Variants in PPP2R2D observed in about 807,000 individuals in gnomAD.
PPP2R2D encodes the protein protein phosphatase 2 regulatory subunit Bdelta.
Under a neutral mutation model 31.1 loss-of-function variants are expected in PPP2R2D, and 9 were observed. The ratio of observed to expected loss-of-function variants is 0.29; its 90% CI spans 0.17 to 0.51. The LOEUF is 0.51. Ranked by LOEUF, PPP2R2D falls within the 20% of genes least tolerant of loss-of-function variation. The pLI is 0.98. For synonymous variants in PPP2R2D, 179 were observed against 172.6 expected, an observed-to-expected ratio of 1.04 and a Z score of -0.29; for missense variants, 391 against 465.6, an observed-to-expected ratio of 0.84 and a Z score of 1.48.
At chr10:131,943,088 A>G (rs537338272) in intron 5 of PPP2R2D, among the ~76,000 whole-genome samples, 5 of 152,302 alleles carry the variant, frequency 3.3e-5, no homozygotes, top group Non-Finnish European at 7.3e-5. Context: ...TTTGATTTTA[A>G]AGCTTATGTT....
chr10:131,956,411 G>A lies in PPP2R2D; in HGVS notation c.*448G>A, dbSNP rs1375795233. 2.0e-6 allele frequency: 2 copies of A among 985,822 alleles called. No individual in the cohort carries two copies. The highest frequency in any genetic ancestry group is 6.1e-5 in the Admixed American group (1 of 16,282). The allele number at this position is 985,822 out of a possible 1,614,324, so 61.1% of individuals were successfully genotyped here. A position where few individuals can be genotyped will look rare whatever the true frequency, so the allele number is the denominator to read the frequency against. ...CCGTGTCCTCTCGGCCTTCCTCCGA[G>A]TCCAGGTGGACTCTGTGGATGTGTG... On this transcript the variant is annotated 3_prime_UTR_variant, in exon 9 of 9. Coordinates refer to ENST00000455566, the MANE Select transcript of PPP2R2D (RefSeq NM_018461.5).
the PPP2R2D span, chr10:131,970,709 T>A: frequency 1.7e-5 from 27 of 1,614,054 alleles, no homozygotes; most frequent in Non-Finnish European, 2.0e-5. This position sits in a 1 kb window ranked among gnomAD's most constrained non-coding sequence, Gnocchi z 4.1. Flanking sequence ...CTGCAGAGAA[T>A]ATGCCCCCTT....
intron 5 of PPP2R2D, among the ~76,000 whole-genome samples, chr10:131,942,907 G>A (rs528897617): frequency 1.4e-4 from 21 of 152,108 alleles, no homozygotes; most frequent in African/African-American, 4.8e-4. Flanking sequence ...GCACTACCTG[G>A]GTTAAAATGA....
chr10:131,952,027 G>A (rs377734202), intron 8 of PPP2R2D, among the ~76,000 whole-genome samples: 1 of 151,526 alleles, frequency 6.6e-6, no homozygotes, highest in East Asian at 1.9e-4. Flanking sequence ...ACTTGCGGGT[G>A]TGCAGGGGGT....
chr10:131,907,450 T>C (rs2035611033), intron 2 of PPP2R2D, among the ~76,000 whole-genome samples: 1 of 152,234 alleles, frequency 6.6e-6, no homozygotes, highest in East Asian at 1.9e-4. Context: ...GCCTTAAGAT[T>C]CACAGACTCG....
intron 2 of PPP2R2D, among the ~76,000 whole-genome samples, chr10:131,909,023 C>G (rs1244918656): frequency 3.9e-5 from 6 of 152,176 alleles, no homozygotes; most frequent in Non-Finnish European, 8.8e-5. Context: ...CCAGAGCACA[C>G]TGAGGCAATG....
Position 131,956,384 on chromosome 10 carries a change from G to A in PPP2R2D, c.*421G>A, listed in dbSNP as rs782396647. 2.1e-5 allele frequency: 21 copies of A among 986,282 alleles called. No homozygotes were observed. The highest frequency in any genetic ancestry group is 6.1e-5 in the Admixed American group (1 of 16,282). The allele number at this position is 986,282 out of a possible 1,614,324, so 61.1% of individuals were successfully genotyped here. On this transcript the variant is annotated 3_prime_UTR_variant, in exon 9 of 9. Coordinates refer to ENST00000455566, the MANE Select transcript of PPP2R2D (RefSeq NM_018461.5). ...TTCACTGCAGCGTGGTGTGGCCACC[G>A]TCCGTGTCCTCTCGGCCTTCCTCCG...
downstream of PPP2R2D, among the ~76,000 whole-genome samples, chr10:131,960,087 G>A (rs1469894909): frequency 6.6e-6 from 1 of 152,236 alleles, no homozygotes; most frequent in Non-Finnish European, 1.5e-5. Flanking sequence ...CAGCAGTCCT[G>A]TCCGTTTCTG....
At chr10:131,910,889 T>C (rs1367923638) in intron 2 of PPP2R2D, among the ~76,000 whole-genome samples, 1 of 152,152 alleles carries the variant, frequency 6.6e-6, no homozygotes, top group Admixed American at 6.5e-5. Flanking sequence ...GTCTTGCCTA[T>C]GTATGGACTG....
intron 2 of PPP2R2D, among the ~76,000 whole-genome samples, chr10:131,928,961 G>C (rs1278368672): frequency 6.6e-6 from 1 of 152,156 alleles, no homozygotes; most frequent in African/African-American, 2.4e-5. Flanking sequence ...AATGATGTAC[G>C]TATAAAAGAA....
chr10:131,963,645 G>A (rs782768972), downstream of PPP2R2D, among the ~76,000 whole-genome samples: 2 of 152,252 alleles, frequency 1.3e-5, no homozygotes, highest in African/African-American at 4.8e-5. Context: ...CCACAGGGCT[G>A]TGCGCTGAGG....
rs2036791504 is a variant in PPP2R2D, at chr10:131,956,110, T to A, written c.*147T>A. 1 of 1,265,840 alleles carries A rather than the reference T, an allele frequency of 7.9e-7. No individual in the cohort carries two copies. The highest frequency in any genetic ancestry group is 3.1e-5 in the East Asian group (1 of 32,480). The allele number at this position is 1,265,840 out of a possible 1,614,324, so 78.4% of individuals were successfully genotyped here. On this transcript the variant is annotated 3_prime_UTR_variant, in exon 9 of 9. Coordinates refer to ENST00000455566, the MANE Select transcript of PPP2R2D (RefSeq NM_018461.5). Reference sequence around the variant, plus strand: ...AGACACAGGAGAAAGCCGCCTCCGCTGGAGGCCCGGTGTGGTTCCGCCTCG... The same window carrying A: ...AGACACAGGAGAAAGCCGCCTCCGCAGGAGGCCCGGTGTGGTTCCGCCTCG...
At chr10:131,909,018 G>A (rs975896000) in intron 2 of PPP2R2D, among the ~76,000 whole-genome samples, 40 of 152,334 alleles carry the variant, frequency 2.6e-4, no homozygotes, top group African/African-American at 8.9e-4. Flanking sequence ...CTGGACCAGA[G>A]CACACTGAGG....
intron 2 of PPP2R2D, among the ~76,000 whole-genome samples, chr10:131,933,706 T>A (rs1366680346): frequency 6.6e-6 from 1 of 152,166 alleles, no homozygotes; most frequent in Non-Finnish European, 1.5e-5. Context: ...GATTTTTTTT[T>A]TTTAATTTAA....
chr10:131,901,081 G>C lies in PPP2R2D; in HGVS notation c.-68G>C, dbSNP rs2035483677. The stretch of plus-strand genomic sequence containing the variant: ...GTGGCGGCCCCGGGGCTGAGCGCTC[G>C]GCTGCAGCGGCGCGGAGGCCGTCTC... On this transcript the variant is annotated 5_prime_UTR_variant, in exon 1 of 9. Coordinates refer to ENST00000455566, the MANE Select transcript of PPP2R2D (RefSeq NM_018461.5). 1 of 179,160 alleles carries C rather than the reference G, an allele frequency of 5.6e-6. No homozygotes were observed. The highest frequency in any genetic ancestry group is 6.5e-5 in the Admixed American group (1 of 15,298). 11.1% of individuals were successfully genotyped at this position (179,160 alleles called of 1,614,324 possible). A position where few individuals can be genotyped will look rare whatever the true frequency, so the allele number is the denominator to read the frequency against.
At chr10:131,918,329 A>G (rs1554893549) in intron 2 of PPP2R2D, among the ~76,000 whole-genome samples, 1 of 148,090 alleles carries the variant, frequency 6.8e-6, no homozygotes, top group Non-Finnish European at 1.5e-5. Flanking sequence ...GGAATGACAC[A>G]GTGTTTGTAG....
intron 3 of PPP2R2D, among the ~76,000 whole-genome samples, chr10:131,937,610 C>G (rs144894069): frequency 5.3e-5 from 8 of 152,270 alleles, no homozygotes; most frequent in Middle Eastern, 3.4e-3. Flanking sequence ...GGCAGAGAGA[C>G]AAGCCTGCAG....
At chr10:131,954,589 A>G (rs2036758001) in intron 8 of PPP2R2D, among the ~76,000 whole-genome samples, 1 of 151,240 alleles carries the variant, frequency 6.6e-6, no homozygotes, top group East Asian at 1.9e-4. Flanking sequence ...ATGGGAAATA[A>G]ACATGGATCG....
At chr10:131,936,637 A>G (rs7085239) in intron 3 of PPP2R2D, among the ~76,000 whole-genome samples, 37,042 of 152,170 alleles carry the variant, frequency 0.24, 4,588 homozygotes, top group South Asian at 0.27. Context: ...CTAAATAATA[A>G]TAGTCTCAAA....
Sources: allele counts gnomAD v4.1 joint callset (sites outside exome capture counted in the v4.1 genomes callset), GRCh38; gene constraint gnomAD v4.1.1; non-coding constraint Gnocchi (gnomAD v3.1); transcripts MANE v1.5; gene names NCBI Gene and HGNC (gene_info 2026-07-23, HGNC 2026-07-21).